PFKFB3: variants seen among roughly 807,000 people sequenced by gnomAD.
PFKFB3 encodes the protein 6-phosphofructo-2-kinase/fructose-2,6-bisphosphatase 3.
PFKFB3 carries 33 observed loss-of-function variants against 68.0 expected under a neutral mutation model. The ratio of observed to expected loss-of-function variants is 0.49; its 90% CI spans 0.37 to 0.65. The LOEUF (loss-of-function observed/expected upper bound fraction) is 0.65, where lower values mean the gene tolerates loss of function less well. Among genes scored for constraint, PFKFB3 ranks in the 30% least tolerant of loss-of-function variants. PFKFB3 has a pLI of 0.00. For missense variants in PFKFB3, 586 were observed against 712.2 expected (o/e 0.82, Z 2.02); for synonymous variants, 315 against 288.2 (o/e 1.09, Z -0.94).
chr10:6,293,080 C>T, the PFKFB3 span: 1 of 394,196 alleles, frequency 2.5e-6, no homozygotes, highest in Admixed American at 2.9e-5. Context: ...AGCTACATTT[C>T]CGTCGTGTGA....
chr10:6,177,557 C>A (rs1842564847), intron 1 of PFKFB3, among the ~76,000 whole-genome samples: 1 of 142,960 alleles, frequency 7.0e-6, no homozygotes, highest in African/African-American at 2.6e-5. Flanking sequence ...CGGAGTTTCA[C>A]TCTTGTTGCC....
chr10:6,199,658 ATTTTTT>A (rs143309528), upstream of PFKFB3, among the ~76,000 whole-genome samples: 1,281 of 75,594 alleles, frequency 0.017, 27 homozygotes, highest in African/African-American at 0.068. Flanking sequence ...CTATTTTTAA[ATTTTTT>A]TTTTTTTTTT....
intron 1 of PFKFB3, among the ~76,000 whole-genome samples, chr10:6,207,255 G>A (rs1843843104): frequency 6.6e-6 from 1 of 152,246 alleles, no homozygotes; most frequent in South Asian, 2.1e-4. Context: ...GGCCAACACA[G>A]CGAAACCCCG....
At chr10:6,190,488 A>G (rs988245405) in intron 1 of PFKFB3, among the ~76,000 whole-genome samples, 2 of 152,100 alleles carry the variant, frequency 1.3e-5, no homozygotes, top group African/African-American at 2.4e-5. Context: ...TATTACTATC[A>G]TTATTCATTT....
chr10:6,248,882 G>A (rs560016238), intron 14 of PFKFB3, among the ~76,000 whole-genome samples: 2 of 152,014 alleles, frequency 1.3e-5, no homozygotes, highest in South Asian at 4.2e-4. Context: ...TGGAGAAAAG[G>A]AAACCCTTAG....
the PFKFB3 span, among the ~76,000 whole-genome samples, chr10:6,272,791 T>A: frequency 6.6e-6 from 1 of 152,178 alleles, no homozygotes; most frequent in Non-Finnish European, 1.5e-5. Context: ...GATCTGTGCA[T>A]GCCAAGGGCT....
At position 6,161,030 on chromosome 10, in the gene PFKFB3, G is replaced by A. The variant is rs1317894028; in HGVS notation, c.16+16017G>A. Among the ~76,000 whole-genome samples the A allele has an allele frequency of 3.3e-5, 5 of 152,124 alleles. No homozygotes were observed. The East Asian group carries it at 9.7e-4, about 29-fold the overall frequency. ...GGCTCACTGCAACCTCCGCTTCTCG[G>A]GTTCAAGCAATTCTCCTGCCTCAGA... On this transcript the variant is annotated intron_variant, in intron 1 of 14. Coordinates refer to the PFKFB3 transcript ENST00000379789.
intron 14 of PFKFB3, among the ~76,000 whole-genome samples, chr10:6,249,902 T>A (rs1846343323): frequency 6.6e-6 from 1 of 152,210 alleles, no homozygotes. Context: ...ATTTAGTTAT[T>A]CCACATTGTA....
the PFKFB3 span, among the ~76,000 whole-genome samples, chr10:6,283,983 G>A: frequency 6.6e-6 from 1 of 152,078 alleles, no homozygotes; most frequent in African/African-American, 2.4e-5. Context: ...CCCAGCTCAC[G>A]GAGACAGAGC....
chr10:6,152,450 A>T (rs1050887920), intron 1 of PFKFB3, among the ~76,000 whole-genome samples: 1 of 152,180 alleles, frequency 6.6e-6, no homozygotes, highest in Non-Finnish European at 1.5e-5. Context: ...GTCTGGTAGG[A>T]GGGTGGAAGG....
the PFKFB3 span, among the ~76,000 whole-genome samples, chr10:6,299,003 C>T: frequency 1.3e-5 from 2 of 152,232 alleles, no homozygotes; most frequent in African/African-American, 2.4e-5. Context: ...ATCCTGATTT[C>T]ATTTCCTTCT....
chr10:6,176,871 T>C (rs1588424270), intron 1 of PFKFB3, among the ~76,000 whole-genome samples: 1 of 152,088 alleles, frequency 6.6e-6, no homozygotes, highest in Non-Finnish European at 1.5e-5. Flanking sequence ...CACAGAACCC[T>C]CTCTTCAAAC....
At chr10:6,182,188 T>C (rs550172089) in intron 1 of PFKFB3, among the ~76,000 whole-genome samples, 1 of 152,290 alleles carries the variant, frequency 6.6e-6, no homozygotes, top group African/African-American at 2.4e-5. Context: ...GTTTTCTCTC[T>C]AATCCCTCAC....
chr10:6,221,115 ATG>A (rs1332019103), intron 8 of PFKFB3, among the ~76,000 whole-genome samples: 1 of 151,294 alleles, frequency 6.6e-6, no homozygotes, highest in Non-Finnish European at 1.5e-5. Context: ...GTTACTTTGT[ATG>A]TGTTTGTATG....
At chr10:6,248,964 G>A (rs1000755318) in intron 14 of PFKFB3, among the ~76,000 whole-genome samples, 10 of 151,878 alleles carry the variant, frequency 6.6e-5, no homozygotes, top group East Asian at 1.9e-4. Flanking sequence ...ACCTGAGGTC[G>A]GGAATTCGAG....
chr10:6,207,646 A>G (rs553015457), intron 1 of PFKFB3, among the ~76,000 whole-genome samples: 6 of 152,318 alleles, frequency 3.9e-5, no homozygotes, highest in South Asian at 4.1e-4. Context: ...TTATAGACAA[A>G]GAACAGTAAA....
chr10:6,279,976 A>G, the PFKFB3 span, among the ~76,000 whole-genome samples: 2 of 152,198 alleles, frequency 1.3e-5, no homozygotes, highest in Admixed American at 6.5e-5. Flanking sequence ...CAGGACATCA[A>G]TAGGCAGATA....
intron 1 of PFKFB3, among the ~76,000 whole-genome samples, chr10:6,213,013 C>A (rs1242501098): frequency 6.6e-6 from 1 of 152,160 alleles, no homozygotes; most frequent in Non-Finnish European, 1.5e-5. Context: ...TTTCCTCCCA[C>A]CCGCAGGAGC....
the PFKFB3 span, among the ~76,000 whole-genome samples, chr10:6,286,607 A>G: frequency 6.8e-6 from 1 of 147,934 alleles, no homozygotes; most frequent in Admixed American, 6.8e-5. Context: ...CAAACTTCTG[A>G]CCTCACATGA....
Sources: allele counts gnomAD v4.1 joint callset (sites outside exome capture counted in the v4.1 genomes callset), GRCh38; gene constraint gnomAD v4.1.1; transcripts MANE v1.5; gene names NCBI Gene and HGNC (gene_info 2026-07-23, HGNC 2026-07-21).